Variants in ITGBL1 observed in about 807,000 individuals in gnomAD.
ITGBL1 encodes the protein integrin subunit beta like 1, also known as integrin beta-like protein 1.
A neutral mutation model predicts 68.5 loss-of-function variants in ITGBL1; 51 were observed. The observed-to-expected ratio is 0.74, with a 90% CI of 0.59 to 0.94. The LOEUF is 0.94. Among genes scored for constraint, ITGBL1 ranks in the 40% least tolerant of loss-of-function variants. The pLI is 0.00. For synonymous variants in ITGBL1, 209 were observed against 227.3 expected, an observed-to-expected ratio of 0.92 and a Z score of 0.72; for missense variants, 649 against 647.4, an observed-to-expected ratio of 1.00 and a Z score of -0.03.
intron 8 of ITGBL1, among the ~76,000 whole-genome samples, chr13:101,705,529 T>G (rs1434588914): frequency 6.6e-6 from 1 of 152,066 alleles, no homozygotes; most frequent in Non-Finnish European, 1.5e-5. Flanking sequence ...GTTCATGCTC[T>G]CAATTCTCAC....
intron 2 of ITGBL1, among the ~76,000 whole-genome samples, chr13:101,531,610 G>GT (rs767241602): frequency 6.8e-5 from 8 of 117,504 alleles, no homozygotes; most frequent in African/African-American, 2.4e-4. Context: ...CGTATTTTTT[G>GT]GGGGGAGGGG....
At chr13:101,484,485 A>C (rs769796919) in intron 2 of ITGBL1, among the ~76,000 whole-genome samples, 3 of 152,204 alleles carry the variant, frequency 2.0e-5, no homozygotes, top group African/African-American at 7.2e-5. Context: ...AATATTTGAT[A>C]TGAAAAATAC....
At chr13:101,607,083 A>G (rs998928806) in intron 7 of ITGBL1, among the ~76,000 whole-genome samples, 4 of 151,900 alleles carry the variant, frequency 2.6e-5, no homozygotes, top group Non-Finnish European at 4.4e-5. Context: ...CCATGCATAT[A>G]TTTTATAAAT....
intron 8 of ITGBL1, among the ~76,000 whole-genome samples, chr13:101,693,715 C>T (rs1402502964): frequency 6.6e-6 from 1 of 151,946 alleles, no homozygotes; most frequent in Non-Finnish European, 1.5e-5. Context: ...CATCCATATG[C>T]CTGTTCTCTC....
intron 2 of ITGBL1, among the ~76,000 whole-genome samples, chr13:101,518,695 C>T (rs1034696444): frequency 6.6e-6 from 1 of 152,160 alleles, no homozygotes; most frequent in Non-Finnish European, 1.5e-5. Flanking sequence ...AAATGTAATT[C>T]TGCCATACAA....
At chr13:101,575,572 T>TA in intron 4 of ITGBL1, 26 bp downstream of exon 4, 5 of 1,602,986 alleles carry the variant, frequency 3.1e-6, no homozygotes, top group Non-Finnish European at 4.3e-6. Flanking sequence ...CTGTAGAAAT[T>TA]AATAAAAGTA....
At chr13:101,531,985 C>T (rs1319164187) in intron 2 of ITGBL1, among the ~76,000 whole-genome samples, 2 of 151,900 alleles carry the variant, frequency 1.3e-5, no homozygotes, top group South Asian at 2.1e-4. Flanking sequence ...CTGCCCACCT[C>T]GGCCTCCCAA....
chr13:101,462,759 G>A (rs768501389), intron 2 of ITGBL1, among the ~76,000 whole-genome samples: 11 of 151,990 alleles, frequency 7.2e-5, no homozygotes, highest in Non-Finnish European at 1.5e-4. Context: ...ATTTTTGTAT[G>A]TTTAGTAGAG....
At chr13:101,682,556 C>T (rs1028369070) in intron 7 of ITGBL1, among the ~76,000 whole-genome samples, 1 of 151,964 alleles carries the variant, frequency 6.6e-6, no homozygotes, top group African/African-American at 2.4e-5. Context: ...TAATTTCCAT[C>T]ATATTTACTA....
At chr13:101,655,148 CA>C (rs974453367) in intron 7 of ITGBL1, among the ~76,000 whole-genome samples, 1 of 152,156 alleles carries the variant, frequency 6.6e-6, no homozygotes, top group African/African-American at 2.4e-5. Flanking sequence ...TGCTTAAAAG[CA>C]AAGTGTGCCA....
intron 2 of ITGBL1, among the ~76,000 whole-genome samples, chr13:101,521,837 C>CT (rs1293942181): frequency 5.3e-4 from 79 of 149,222 alleles, no homozygotes; most frequent in Non-Finnish European, 6.0e-4. Flanking sequence ...CCTTTTCTTG[C>CT]TTTTTTTTTT....
chr13:101,637,625 G>A (rs547310612), intron 7 of ITGBL1, among the ~76,000 whole-genome samples: 19 of 152,286 alleles, frequency 1.2e-4, no homozygotes, highest in African/African-American at 4.6e-4. Context: ...TTACAGGCGT[G>A]AGCCACCATG....
chr13:101,513,273 C>A (rs563622676), intron 2 of ITGBL1, among the ~76,000 whole-genome samples: 22 of 150,710 alleles, frequency 1.5e-4, no homozygotes, highest in Middle Eastern at 3.4e-3. Flanking sequence ...GTAACAAATG[C>A]CTCTCAGGTG....
At chr13:101,607,872 G>A (rs1242222448) in intron 7 of ITGBL1, among the ~76,000 whole-genome samples, 1 of 152,014 alleles carries the variant, frequency 6.6e-6, no homozygotes. Flanking sequence ...TTATTATTCA[G>A]AGGCTTGTGT....
intron 2 of ITGBL1, among the ~76,000 whole-genome samples, chr13:101,482,821 A>T (rs7323294): frequency 0.53 from 80,882 of 151,864 alleles, 22,407 homozygotes; most frequent in Non-Finnish European, 0.6. Context: ...CACTTAACTG[A>T]AGTAGTTAGG....
chr13:101,654,017 G>C (rs576276531), intron 7 of ITGBL1, among the ~76,000 whole-genome samples: 2 of 151,774 alleles, frequency 1.3e-5, no homozygotes, highest in Admixed American at 6.6e-5. Context: ...GCCTGAGAAG[G>C]CTTCTTAGAT....
intron 7 of ITGBL1, among the ~76,000 whole-genome samples, chr13:101,669,712 C>A (rs1403608390): frequency 6.6e-6 from 1 of 152,146 alleles, no homozygotes; most frequent in Non-Finnish European, 1.5e-5. Context: ...TGAACTGCAT[C>A]TTTTGCCCAA....
intron 2 of ITGBL1, among the ~76,000 whole-genome samples, chr13:101,564,623 A>AT (rs1272491609): frequency 6.7e-6 from 1 of 149,098 alleles, no homozygotes; most frequent in Non-Finnish European, 1.5e-5. Flanking sequence ...ATATGTTGAT[A>AT]TATATATATG....
intron 2 of ITGBL1, among the ~76,000 whole-genome samples, chr13:101,495,968 A>G (rs972144271): frequency 2.0e-5 from 3 of 152,140 alleles, no homozygotes; most frequent in Non-Finnish European, 2.9e-5. Flanking sequence ...ACATTTTGAA[A>G]GCTTACTTGT....
Sources: gnomAD v4.1 joint callset for allele counts (sites outside exome capture counted in the v4.1 genomes callset) on GRCh38, gnomAD v4.1.1 for gene constraint, MANE v1.5 for transcripts, NCBI Gene and HGNC (gene_info 2026-07-23, HGNC 2026-07-21) for gene names.